LAPTM4B: variants seen among roughly 807,000 people sequenced by gnomAD.
The protein encoded by LAPTM4B is lysosomal protein transmembrane 4 beta.
In LAPTM4B, 26 loss-of-function variants were observed where a neutral mutation model predicts 28.5. The ratio of observed to expected loss-of-function variants is 0.91; its 90% confidence interval spans 0.67 to 1.27. LAPTM4B has a LOEUF of 1.27. Ranked by LOEUF, LAPTM4B falls within the 50% of genes most tolerant of loss-of-function variation. LAPTM4B has a pLI of 0.00. For synonymous variants in LAPTM4B, 109 were observed against 106.4 expected, an observed-to-expected ratio of 1.02 and a Z score of -0.15; for missense variants, 288 against 285.8, an observed-to-expected ratio of 1.01 and a Z score of -0.06.
intron 4 of LAPTM4B, among the ~76,000 whole-genome samples, chr8:97,816,583 C>T (rs1266587906): frequency 6.6e-6 from 1 of 152,158 alleles, no homozygotes; most frequent in African/African-American, 2.4e-5. Flanking sequence ...GGGTGTGAGC[C>T]ACTGTGCCTG....
chr8:97,845,179 C>T (rs1047057296), intron 6 of LAPTM4B, among the ~76,000 whole-genome samples: 3 of 152,164 alleles, frequency 2.0e-5, no homozygotes, highest in Admixed American at 6.5e-5. Context: ...TTATCCTCCT[C>T]GTGTAGTTTC....
At chr8:97,797,084 G>C (rs920602363) in intron 1 of LAPTM4B, among the ~76,000 whole-genome samples, 2 of 151,968 alleles carry the variant, frequency 1.3e-5, no homozygotes, top group African/African-American at 4.8e-5. Flanking sequence ...GTAATATAGT[G>C]AGATCCTGTC....
At position 97,776,087 on chromosome 8, in the gene LAPTM4B, C is replaced by A; in HGVS notation, c.78C>A (p.Ile26=). The A allele has an allele frequency of 6.3e-7, 1 of 1,584,584 alleles. No individual in the cohort carries two copies. The highest frequency in any genetic ancestry group is 1.1e-5 in the South Asian group (1 of 89,854). ...GCTGCCATGTCCGCACCGGCACCAT[C>A]CTGCTCGGCGTCTGGTATCTGGTGA... ...CLCCHVRTGT[I]LLGVWYLIIN... The change falls in exon 1 of 7, where the codon ATC becomes ATA. Residue 26 remains isoleucine, a synonymous_variant. Transcript: ENST00000521545.
At chr8:97,837,266 C>T (rs1398276886) in intron 6 of LAPTM4B, among the ~76,000 whole-genome samples, 4 of 149,292 alleles carry the variant, frequency 2.7e-5, no homozygotes, top group African/African-American at 7.4e-5. Context: ...GATCTTGGCT[C>T]ACTGCAGCCT....
At chr8:97,845,293 A>ACT (rs1817410458) in intron 6 of LAPTM4B, among the ~76,000 whole-genome samples, 1 of 146,778 alleles carries the variant, frequency 6.8e-6, no homozygotes, top group South Asian at 2.2e-4. Context: ...TTCTCATACA[A>ACT]CTCTTGATTT....
At chr8:97,797,960 G>A (rs1040850874) in intron 1 of LAPTM4B, among the ~76,000 whole-genome samples, 2 of 152,184 alleles carry the variant, frequency 1.3e-5, no homozygotes, top group African/African-American at 4.8e-5. Flanking sequence ...GGAACAGTTT[G>A]CTCATAACAT....
At position 97,849,826 on chromosome 8, in the gene LAPTM4B, G is replaced by A. The variant is rs570748756; in HGVS notation, c.604-1571G>A. ...CCTCCACCCCCCTGCCCGCCTGCCC[G>A]CCCCCGGTTCCTGTGTGTTTCTGCA... On this transcript the variant is annotated intron_variant, in intron 6 of 6. Coordinates refer to ENST00000521545, the MANE Select transcript of LAPTM4B (RefSeq NM_018407.6). Among the ~76,000 whole-genome samples the A allele has an allele frequency of 2.4e-3, 184 of 76,828 alleles. 2 individuals carry two copies. The highest frequency in any genetic ancestry group is 8.3e-3 in the African/African-American group (178 of 21,386). 50.4% of individuals were successfully genotyped at this position (76,828 alleles called of 152,430 possible). A position where few individuals can be genotyped will look rare whatever the true frequency, so the allele number is the denominator to read the frequency against.
chr8:97,813,259 A>G (rs1008733749), intron 2 of LAPTM4B, among the ~76,000 whole-genome samples: 6 of 152,248 alleles, frequency 3.9e-5, no homozygotes, highest in Non-Finnish European at 8.8e-5. Context: ...GAGCCCCTGG[A>G]AAACCACTGG....
chr8:97,851,743 A>T lies in LAPTM4B; in HGVS notation c.*269A>T, dbSNP rs1817527231. 2.1e-6 allele frequency: 1 copy of T among 467,926 alleles called. No individual in the cohort carries two copies. The highest frequency in any genetic ancestry group is 3.7e-5 in the Admixed American group (1 of 27,382). The allele number at this position is 467,926 out of a possible 1,614,324, so 29.0% of individuals were successfully genotyped here. A position where few individuals can be genotyped will look rare whatever the true frequency, so the allele number is the denominator to read the frequency against. On this transcript the variant is annotated 3_prime_UTR_variant, in exon 7 of 7. Coordinates refer to ENST00000521545, the MANE Select transcript of LAPTM4B (RefSeq NM_018407.6). ...TCCCTAGGCATTGAAACTTCCCCCAAATCTGATGGACCTAGAAGTCTGCTT... is the reference window on the plus strand; with the variant it reads ...TCCCTAGGCATTGAAACTTCCCCCATATCTGATGGACCTAGAAGTCTGCTT...
chr8:97,832,374 G>GT (rs1563619164), intron 6 of LAPTM4B, among the ~76,000 whole-genome samples: 5 of 152,178 alleles, frequency 3.3e-5, no homozygotes, highest in Admixed American at 1.3e-4. Context: ...AGCTGCGTTT[G>GT]TTTCCTGGTG....
Position 97,775,802 on chromosome 8 carries a change from A to C in LAPTM4B, c.-208A>C, listed in dbSNP as rs1816194648. 6.4e-7 allele frequency: 1 copy of C among 1,574,392 alleles called. No individual in the cohort carries two copies. Among genetic ancestry groups the C allele is most frequent in the Non-Finnish European group, 8.6e-7 (1 of 1,167,160 alleles). On this transcript the variant is annotated 5_prime_UTR_variant, in exon 1 of 7. Transcript: ENST00000521545. ...GCCCCCTCCCCGTCCCCGCCGCTGC[A>C]GCGGTCGCCTTCGGAGCGAAGGGTA...
intron 6 of LAPTM4B, among the ~76,000 whole-genome samples, chr8:97,831,234 G>C (rs545004651): frequency 6.6e-6 from 1 of 152,180 alleles, no homozygotes; most frequent in African/African-American, 2.4e-5. Context: ...TACGGAGGTA[G>C]GAAGACCAAA....
intron 6 of LAPTM4B, among the ~76,000 whole-genome samples, chr8:97,829,550 A>G (rs983914815): frequency 1.3e-5 from 2 of 152,066 alleles, no homozygotes; most frequent in Admixed American, 6.6e-5. Context: ...CAATGGGGAT[A>G]GTTGTCTGTG....
chr8:97,810,030 A>T (rs902940646), intron 2 of LAPTM4B, among the ~76,000 whole-genome samples: 2 of 152,140 alleles, frequency 1.3e-5, no homozygotes, highest in African/African-American at 4.8e-5. Flanking sequence ...CTTGGGCTCA[A>T]GCGATTCTCC....
intron 1 of LAPTM4B, among the ~76,000 whole-genome samples, chr8:97,787,833 T>C (rs994691477): frequency 6.6e-6 from 1 of 152,044 alleles, no homozygotes; most frequent in Non-Finnish European, 1.5e-5. Flanking sequence ...TTAAAAATGA[T>C]TTATTTATTT....
At position 97,812,493 on chromosome 8, in the gene LAPTM4B, G is replaced by A. The variant is rs533315236; in HGVS notation, c.212-2835G>A. ...GAGTGCTGGGATTACAGGCATGAAC[G>A]ACTGCGCCCGTCCTAAATGTTTATT... On this transcript the variant is annotated intron_variant, in intron 2 of 6. Coordinates refer to ENST00000521545, the MANE Select transcript of LAPTM4B (RefSeq NM_018407.6). Among the ~76,000 whole-genome samples the A allele has an allele frequency of 4.6e-5, 7 of 152,150 alleles. No homozygotes were observed. The South Asian group carries it at 6.2e-4, about 14-fold the overall frequency.
chr8:97,808,345 G>A (rs529913231), intron 2 of LAPTM4B, among the ~76,000 whole-genome samples: 1 of 152,140 alleles, frequency 6.6e-6, no homozygotes, highest in South Asian at 2.1e-4. Flanking sequence ...TACTCAGGAG[G>A]CTGAGGCAGG....
intron 6 of LAPTM4B, among the ~76,000 whole-genome samples, chr8:97,850,560 A>G (rs1817509292): frequency 6.7e-6 from 1 of 150,338 alleles, no homozygotes; most frequent in Non-Finnish European, 1.5e-5. Context: ...AAAGGGACAG[A>G]TAAATGAAAA....
rs1172191165 is a variant in LAPTM4B at position 97,852,931 on chromosome 8, A to G, written c.*1457A>G. 1 of 465,276 alleles carries G rather than the reference A, an allele frequency of 2.1e-6. No individual in the cohort carries two copies. The highest frequency in any genetic ancestry group is 3.8e-6 in the Non-Finnish European group (1 of 262,050). 28.8% of individuals were successfully genotyped at this position (465,276 alleles called of 1,614,324 possible). A position where few individuals can be genotyped will look rare whatever the true frequency, so the allele number is the denominator to read the frequency against. ...AACAATCCGTGGAGAATAAATTACC[A>G]TTGGTGTGGGGGAAAAAAGCCAAAC... On this transcript the variant is annotated 3_prime_UTR_variant, in exon 7 of 7. Transcript: ENST00000521545.
Sources: gnomAD v4.1 joint callset for allele counts (sites outside exome capture counted in the v4.1 genomes callset) on GRCh38, gnomAD v4.1.1 for gene constraint, MANE v1.5 for transcripts, NCBI Gene and HGNC (gene_info 2026-07-23, HGNC 2026-07-21) for gene names.